ZNF516: variants seen among roughly 807,000 people sequenced by gnomAD.
The protein encoded by ZNF516 is zinc finger protein 516.
ZNF516 carries 19 observed loss-of-function variants against 79.7 expected under a neutral mutation model. The ratio of observed to expected loss-of-function variants is 0.24; its 90% CI spans 0.17 to 0.35. The LOEUF (loss-of-function observed/expected upper bound fraction) is 0.35, where lower values mean the gene tolerates loss of function less well. Among genes scored for constraint, ZNF516 ranks in the 10% least tolerant of loss-of-function variants. The probability of loss-of-function intolerance (pLI) is 1.00; values close to 1 mark genes in which losing one functional copy is unlikely to be tolerated. For synonymous variants in ZNF516, 877 were observed against 739.5 expected, an observed-to-expected ratio of 1.19 and a Z score of -3.02; for missense variants, 1,678 against 1,679.5, an observed-to-expected ratio of 1.00 and a Z score of 0.02.
At chr18:76,452,251 T>G (rs1447572248) in intron 2 of ZNF516, among the ~76,000 whole-genome samples, 1 of 152,156 alleles carries the variant, frequency 6.6e-6, no homozygotes, top group Non-Finnish European at 1.5e-5. Flanking sequence ...GTCTTTCTGC[T>G]CAAAACATTT....
At chr18:76,477,425 G>A (rs910211570) in intron 1 of ZNF516, among the ~76,000 whole-genome samples, 1 of 152,106 alleles carries the variant, frequency 6.6e-6, no homozygotes, top group Non-Finnish European at 1.5e-5. Context: ...ACGGGACCCA[G>A]CCCCACAATG....
At chr18:76,465,831 C>G (rs8086248) in intron 1 of ZNF516, among the ~76,000 whole-genome samples, 2 of 152,104 alleles carry the variant, frequency 1.3e-5, no homozygotes, top group Admixed American at 6.6e-5. Flanking sequence ...GTGATGGTCA[C>G]GAAAACAGAG....
In ZNF516 at chr18:76,451,310, G is replaced by C. The variant is rs986322906; in HGVS notation, c.-157-8099C>G. On this transcript the variant is annotated intron_variant, in intron 2 of 6. Transcript: ENST00000443185. The surrounding 1 kb of genome is among the most constrained non-coding windows in gnomAD (Gnocchi z 6.0). Reference sequence around the variant, plus strand: ...CGTCCTCTCTGACCACCTTCCGGGGGCGGGGGGGGCACCGATGTCAGCCCG... The same window carrying C: ...CGTCCTCTCTGACCACCTTCCGGGGCCGGGGGGGGCACCGATGTCAGCCCG... Among the ~76,000 whole-genome samples the C allele has an allele frequency of 1.3e-5, 2 of 152,172 alleles. No homozygotes were observed. Among genetic ancestry groups the C allele is most frequent in the Non-Finnish European group, 2.9e-5 (2 of 68,026 alleles).
chr18:76,474,772 G>GA (rs1414542978), intron 1 of ZNF516, among the ~76,000 whole-genome samples: 2 of 151,918 alleles, frequency 1.3e-5, no homozygotes, highest in East Asian at 3.9e-4. Flanking sequence ...TAATCAAGAA[G>GA]AAAAAAGAGG....
chr18:76,371,741 C>T (rs1301128537), intron 4 of ZNF516, among the ~76,000 whole-genome samples, 170 bp from the exon 5 acceptor site: 4 of 152,214 alleles, frequency 2.6e-5, no homozygotes, highest in Admixed American at 2.6e-4. Context: ...TTCATCTCGG[C>T]TCTGCTGACA....
At chr18:76,490,992 GGC>G in intron 1 of ZNF516, 1 of 985,356 alleles carries the variant, frequency 1.0e-6, no homozygotes, top group South Asian at 4.7e-5. Context: ...CCCCTCGCGA[GGC>G]GCCCCAAGCC....
At chr18:76,476,246 T>C (rs779496754) in intron 1 of ZNF516, among the ~76,000 whole-genome samples, 7 of 152,198 alleles carry the variant, frequency 4.6e-5, no homozygotes, top group African/African-American at 1.7e-4. Context: ...TCTCCTTTTA[T>C]AGTATGAAAA....
chr18:76,384,548 G>A (rs568348773), intron 3 of ZNF516, among the ~76,000 whole-genome samples: 8 of 67,116 alleles, frequency 1.2e-4, no homozygotes, highest in African/African-American at 2.8e-4. Flanking sequence ...CGCCCCCTCT[G>A]TGGTTCCACA....
chr18:76,394,979 G>A (rs957765756), intron 3 of ZNF516, among the ~76,000 whole-genome samples: 8 of 152,096 alleles, frequency 5.3e-5, no homozygotes, highest in Non-Finnish European at 8.8e-5. Context: ...TGATATCCCA[G>A]GTCTGCATTT....
chr18:76,367,736 C>A (rs2074638482), intron 6 of ZNF516, among the ~76,000 whole-genome samples: 1 of 152,224 alleles, frequency 6.6e-6, no homozygotes, highest in Non-Finnish European at 1.5e-5. Context: ...ACCTTTTGAA[C>A]CAGAGAAGCA....
intron 3 of ZNF516, among the ~76,000 whole-genome samples, chr18:76,421,386 A>G (rs577240613): frequency 1.3e-3 from 194 of 152,296 alleles, no homozygotes; most frequent in African/African-American, 4.5e-3. Context: ...CAGTTGCTCC[A>G]GGGCTTCGAG....
chr18:76,479,651 A>G (rs1217396941), intron 1 of ZNF516, among the ~76,000 whole-genome samples: 3 of 152,254 alleles, frequency 2.0e-5, no homozygotes, highest in African/African-American at 7.2e-5. Flanking sequence ...GCTGAAGCTA[A>G]TAAATCTGAG....
Position 76,443,213 on chromosome 18 carries a change from T to A in ZNF516, c.-157-2A>T. On this transcript the variant is annotated splice_acceptor_variant, in intron 2 of 6. Transcript: ENST00000443185. LOFTEE classifies it low-confidence loss of function (5UTR_SPLICE). ...GGCGCAGCAGCTGGCAGCCAGCACC[T>A]GAAACAGAGATGGAACATCATCAGC... 1 of 1,111,490 alleles carries A rather than the reference T, an allele frequency of 9.0e-7. No individual in the cohort carries two copies. The highest frequency in any genetic ancestry group is 1.2e-6 in the Non-Finnish European group (1 of 813,152). The allele number at this position is 1,111,490 out of a possible 1,614,324, so 68.9% of individuals were successfully genotyped here.
At chr18:76,402,532 G>A (rs1599032883) in intron 3 of ZNF516, among the ~76,000 whole-genome samples, 2 of 152,308 alleles carry the variant, frequency 1.3e-5, no homozygotes, top group Admixed American at 6.5e-5. Flanking sequence ...AGGGACCCAG[G>A]CTGTCTGAGG....
At position 76,467,621 on chromosome 18, in the gene ZNF516, G is replaced by A. The variant is rs544267800; in HGVS notation, c.-271-4480C>T. ...TCCAAACCAGAGGGGAGTCCCTGCT[G>A]CTCCTTCCTAACTGGGATCTTGAGA... On this transcript the variant is annotated intron_variant, in intron 1 of 6. Transcript: ENST00000443185. This position sits in a 1 kb window ranked among gnomAD's most constrained non-coding sequence, Gnocchi z 4.2. Among the ~76,000 whole-genome samples, 108 of 152,280 alleles carry A rather than the reference G, an allele frequency of 7.1e-4. No individual in the cohort carries two copies. The highest frequency in any genetic ancestry group is 2.3e-3 in the African/African-American group (95 of 41,564).
At chr18:76,465,366 T>C (rs1913398009) in intron 1 of ZNF516, among the ~76,000 whole-genome samples, 1 of 152,078 alleles carries the variant, frequency 6.6e-6, no homozygotes. Context: ...AGAGGAGAGA[T>C]TCTCTAGTCA....
chr18:76,480,754 T>C (rs987267123), intron 1 of ZNF516, among the ~76,000 whole-genome samples: 3 of 152,150 alleles, frequency 2.0e-5, no homozygotes, highest in African/African-American at 7.2e-5. Context: ...ACTCCTGACC[T>C]CAAGTGATCC....
intron 2 of ZNF516, among the ~76,000 whole-genome samples, chr18:76,458,548 G>C (rs1371821567): frequency 6.6e-6 from 1 of 152,260 alleles, no homozygotes; most frequent in African/African-American, 2.4e-5. Context: ...CCGTCCCTGA[G>C]AGGACCAAGG....
In ZNF516 at chr18:76,361,760, C is replaced by T. The variant is rs147499281; in HGVS notation, c.*738G>A. On this transcript the variant is annotated 3_prime_UTR_variant, in exon 7 of 7. Coordinates refer to ENST00000443185, the MANE Select transcript of ZNF516 (RefSeq NM_014643.4). ...GTGTTGCGCTAGCTCTCTTCCGAGG[C>T]GGAATCTACGCATTCCCACAGACGT... The T allele has an allele frequency of 2.6e-5, 4 of 152,304 alleles. No homozygotes were observed. The highest frequency in any genetic ancestry group is 2.1e-4 in the South Asian group (1 of 4,826). The allele number at this position is 152,304 out of a possible 1,614,324, so 9.4% of individuals were successfully genotyped here. A position where few individuals can be genotyped will look rare whatever the true frequency, so the allele number is the denominator to read the frequency against.
Sources: allele counts gnomAD v4.1 joint callset (sites outside exome capture counted in the v4.1 genomes callset), GRCh38; gene constraint gnomAD v4.1.1; non-coding constraint Gnocchi (gnomAD v3.1); transcripts MANE v1.5; gene names NCBI Gene and HGNC (gene_info 2026-07-23, HGNC 2026-07-21).